CRYBG1: variants seen among roughly 807,000 people sequenced by gnomAD.
The protein encoded by CRYBG1 is beta/gamma crystallin domain-containing protein 1.
In CRYBG1, 139 loss-of-function variants were observed where a neutral mutation model predicts 189.2. The ratio of observed to expected loss-of-function variants is 0.73; its 90% confidence interval spans 0.64 to 0.85. The LOEUF is 0.85. Ranked by LOEUF, CRYBG1 falls within the 40% of genes least tolerant of loss-of-function variation. The pLI, the probability that CRYBG1 is intolerant of heterozygous loss-of-function variation, is 0.00. For missense variants in CRYBG1, 2,611 were observed against 2,675.8 expected, an observed-to-expected ratio of 0.98 and a Z score of 0.53; for synonymous variants, 1,023 against 1,017.1, an observed-to-expected ratio of 1.01 and a Z score of -0.11.
chr6:106,409,265 ATT>A (rs1457818902), intron 1 of CRYBG1, among the ~76,000 whole-genome samples: 1 of 152,244 alleles, frequency 6.6e-6, no homozygotes, highest in Non-Finnish European at 1.5e-5. Flanking sequence ...GTGAACTCAC[ATT>A]CACAATTGCT....
At chr6:106,471,792 T>A (rs1180497064) in intron 2 of CRYBG1, among the ~76,000 whole-genome samples, 1 of 143,034 alleles carries the variant, frequency 7.0e-6, no homozygotes, top group Non-Finnish European at 1.5e-5. Context: ...GCATTCTTTA[T>A]GCCAGACAGT....
At chr6:106,386,848 G>A (rs762732286) in intron 1 of CRYBG1, among the ~76,000 whole-genome samples, 1 of 152,130 alleles carries the variant, frequency 6.6e-6, no homozygotes, top group Non-Finnish European at 1.5e-5. Flanking sequence ...AATAGGCCCT[G>A]GACCACTATC....
rs1582795886 is a variant in CRYBG1, at chr6:106,495,836, AAC to A, written c.313-15592_313-15591del. Among the ~76,000 whole-genome samples the A allele has an allele frequency of 6.0e-5, 9 of 150,580 alleles. 1 individual carries two copies. Among genetic ancestry groups the A allele is most frequent in the Non-Finnish European group, 1.0e-4 (7 of 67,492 alleles). The stretch of plus-strand genomic sequence containing the variant: ...TCCTTGAGTAAAAAAAAAAAAAAAA[AAC>A]AACTTTCCCCCCTGCCCCCTTTTCA... On this transcript the variant is annotated intron_variant, in intron 2 of 21. Transcript: ENST00000633556.
intron 1 of CRYBG1, among the ~76,000 whole-genome samples, chr6:106,372,507 C>A (rs547088327): frequency 6.6e-6 from 1 of 152,326 alleles, no homozygotes; most frequent in South Asian, 2.1e-4. Context: ...CCACCTTGGC[C>A]TCCCAAAATG....
chr6:106,515,348 C>T (rs551868289), intron 3 of CRYBG1, among the ~76,000 whole-genome samples: 2 of 152,304 alleles, frequency 1.3e-5, no homozygotes, highest in East Asian at 3.9e-4. Context: ...AACTTAATAG[C>T]ACAGAAAGTT....
chr6:106,422,344 A>ATTTATTTATTTTTTTTTTTTTTTT (rs57640822), intron 1 of CRYBG1, among the ~76,000 whole-genome samples: 82 of 139,980 alleles, frequency 5.9e-4, no homozygotes, highest in East Asian at 8.8e-4. Context: ...TTATTTATTT[A>ATTTATTTATTTTTTTTTTTTTTTT]TTTTTGAGAC....
intron 2 of CRYBG1, among the ~76,000 whole-genome samples, chr6:106,509,518 C>A (rs546436092): frequency 5.9e-5 from 9 of 152,306 alleles, no homozygotes; most frequent in African/African-American, 2.2e-4. Context: ...GCGGCTGCAC[C>A]ATTGGTTCAT....
chr6:106,544,392 G>A (rs891736203), intron 11 of CRYBG1, among the ~76,000 whole-genome samples, 179 bp from the exon 12 acceptor site: 1 of 151,986 alleles, frequency 6.6e-6, no homozygotes, highest in Non-Finnish European at 1.5e-5. Flanking sequence ...TGTCTCTTAG[G>A]TTATTTTCTT....
chr6:106,468,140 A>G (rs1772151558), intron 2 of CRYBG1, among the ~76,000 whole-genome samples: 1 of 152,232 alleles, frequency 6.6e-6, no homozygotes, highest in Non-Finnish European at 1.5e-5. Context: ...AATTAAAGAA[A>G]TAGCTAATGA....
chr6:106,557,436 A>T (rs945641523), intron 17 of CRYBG1, among the ~76,000 whole-genome samples: 63 of 149,372 alleles, frequency 4.2e-4, no homozygotes, highest in African/African-American at 1.4e-3. Context: ...ATGGAGTCTC[A>T]CTCAGTTGCC....
intron 1 of CRYBG1, among the ~76,000 whole-genome samples, chr6:106,423,496 A>G (rs1436165080): frequency 6.6e-6 from 1 of 152,032 alleles, no homozygotes; most frequent in Non-Finnish European, 1.5e-5. Context: ...TGTGTTATAG[A>G]TATAAGCATA....
intron 1 of CRYBG1, among the ~76,000 whole-genome samples, chr6:106,381,061 A>G (rs545173601): frequency 6.6e-6 from 1 of 152,312 alleles, no homozygotes; most frequent in South Asian, 2.1e-4. Context: ...ATTTCAAGAA[A>G]TCTCTTAAGA....
At chr6:106,468,192 C>G (rs1384849314) in intron 2 of CRYBG1, among the ~76,000 whole-genome samples, 2 of 152,194 alleles carry the variant, frequency 1.3e-5, no homozygotes, top group Non-Finnish European at 2.9e-5. Context: ...ATTGTTGAAT[C>G]TGTCCAGCTC....
At position 106,512,015 on chromosome 6, in the gene CRYBG1, C is replaced by T. The variant is rs1259738256; in HGVS notation, c.898C>T (p.Pro300Ser). 1 of 1,529,792 alleles carries T rather than the reference C, an allele frequency of 6.5e-7. No individual in the cohort carries two copies. Among genetic ancestry groups the T allele is most frequent in the Admixed American group, 2.0e-5 (1 of 50,356 alleles). 94.8% of individuals were successfully genotyped at this position (1,529,792 alleles called of 1,614,324 possible). Reference sequence around the variant, plus strand: ...GGGTGTGAGGGGTGCGCCAGGGTCGCCCACCCAGGAGCGGCCCGCGGGAGG... The same window carrying T: ...GGGTGTGAGGGGTGCGCCAGGGTCGTCCACCCAGGAGCGGCCCGCGGGAGG... Reference protein sequence around the residue: ...FLGVRGAPGSPTQERPAGGLG... With the variant: ...FLGVRGAPGSSTQERPAGGLG... The change falls in exon 3 of 22, where the codon CCC becomes TCC. Residue 300 changes from proline to serine, a missense_variant. Around this residue, in one of 3 missense-constraint regions of CRYBG1, gnomAD observed 985 missense variants for 924.4 expected, o/e 1.07. Coordinates refer to ENST00000633556, the MANE Select transcript of CRYBG1 (RefSeq NM_001371242.2).
chr6:106,455,446 T>C (rs556063970), intron 2 of CRYBG1, among the ~76,000 whole-genome samples: 4 of 151,746 alleles, frequency 2.6e-5, no homozygotes, highest in Non-Finnish European at 4.4e-5. Context: ...AGGAGGTATT[T>C]CCAGGACATG....
chr6:106,391,928 CGT>C (rs57024907), intron 1 of CRYBG1, among the ~76,000 whole-genome samples: 5,322 of 131,252 alleles, frequency 0.041, 96 homozygotes, highest in Admixed American at 0.052. Context: ...TTGTTTAAAA[CGT>C]GTGTGTGTGT....
chr6:106,568,219 C>T (rs1367352909), intron 21 of CRYBG1, among the ~76,000 whole-genome samples: 1 of 152,168 alleles, frequency 6.6e-6, no homozygotes, highest in East Asian at 1.9e-4. Context: ...AAAAAGGAGC[C>T]CGTGAGGTGG....
At chr6:106,437,022 A>T (rs1771473867) in intron 1 of CRYBG1, among the ~76,000 whole-genome samples, 1 of 152,072 alleles carries the variant, frequency 6.6e-6, no homozygotes, top group Non-Finnish European at 1.5e-5. Context: ...TGGGAGGCTG[A>T]GGCACAAGAT....
chr6:106,514,507 T>C (rs1055709696), intron 3 of CRYBG1, among the ~76,000 whole-genome samples: 4 of 152,216 alleles, frequency 2.6e-5, no homozygotes, highest in African/African-American at 9.7e-5. Flanking sequence ...ACCTTTGATA[T>C]AGTCAGTGAT....
Sources: allele counts gnomAD v4.1 joint callset (sites outside exome capture counted in the v4.1 genomes callset), GRCh38; gene constraint gnomAD v4.1.1; regional missense constraint gnomAD v4.1.1; transcripts MANE v1.5; gene names NCBI Gene and HGNC (gene_info 2026-07-23, HGNC 2026-07-21).